Variants in HNRNPA2B1 observed in about 807,000 individuals in gnomAD.
HNRNPA2B1 encodes heterogeneous nuclear ribonucleoproteins A2/B1.
In HNRNPA2B1, 3 loss-of-function variants were observed where a neutral mutation model predicts 46.3. That is an observed-to-expected ratio of 0.06 (90% CI 0.03 to 0.17). HNRNPA2B1 has a LOEUF of 0.17. Among genes scored for constraint, HNRNPA2B1 ranks in the 10% least tolerant of loss-of-function variants. HNRNPA2B1 has a pLI of 1.00. For synonymous variants in HNRNPA2B1, 225 were observed against 133.8 expected (o/e 1.68, Z -4.70); for missense variants, 221 against 418.9 (o/e 0.53, Z 4.12).
At chr7:26,192,371 A>T (rs1032239020) in intron 10 of HNRNPA2B1, 33 bp from the exon 11 acceptor site, 5 of 700,300 alleles carry the variant, frequency 7.1e-6, no homozygotes, top group East Asian at 2.5e-5. Flanking sequence ...TAAAAAAAAA[A>T]TAGGTTATGA....
Position 26,193,585 on chromosome 7 carries a change from G to C in HNRNPA2B1, c.831C>G (p.Asn277Lys). Reference sequence around the variant, plus strand: ...AGGTGAATTTATTACCTCCTCCATAGTTGTCATAACCACCTCCGTAGCCCC... The same window carrying C: ...AGGTGAATTTATTACCTCCTCCATACTTGTCATAACCACCTCCGTAGCCCC... ...QGGGYGGGYD[N>K]YGGGNYGSGN... is the part of the protein sequence containing the mutation. Residue 277 changes from asparagine to lysine, a missense_variant, in exon 8 of 11, where the codon AAC (asparagine) becomes AAG (lysine). By Grantham distance (94) the Asn-to-Lys change is moderately conservative. Transcript: ENST00000618183. 1 of 1,590,224 alleles carries C rather than the reference G, an allele frequency of 6.3e-7. No individual in the cohort carries two copies.
intron 7 of HNRNPA2B1, among the ~76,000 whole-genome samples, chr7:26,195,462 T>C (rs1783457285): frequency 6.6e-6 from 1 of 152,166 alleles, no homozygotes; most frequent in African/African-American, 2.4e-5. Flanking sequence ...CCTGGGATGC[T>C]TCCCATCTAG....
intron 3 of HNRNPA2B1, 95 bp downstream of exon 3, chr7:26,197,220 A>G: frequency 7.0e-7 from 1 of 1,424,054 alleles, no homozygotes; most frequent in East Asian, 2.3e-5. Flanking sequence ...TAAGAGAAAA[A>G]ATCTTGAGTT....
At chr7:26,198,714 G>C (rs1025629151) in intron 1 of HNRNPA2B1, 4 of 152,230 alleles carry the variant, frequency 2.6e-5, no homozygotes, top group Non-Finnish European at 5.9e-5. Context: ...TGTCTTAAAA[G>C]TTAACTAGGT....
At chr7:26,200,517 C>G in intron 1 of HNRNPA2B1, 55 bp downstream of exon 1, 2 of 1,592,040 alleles carry the variant, frequency 1.3e-6, no homozygotes, top group East Asian at 2.2e-5. Flanking sequence ...TCCACTGAGG[C>G]GCCAACGGCC....
Position 26,195,830 on chromosome 7 carries a change from C to T in HNRNPA2B1, c.721+17G>A, listed in dbSNP as rs779469830. On this transcript the variant is annotated intron_variant, in intron 7 of 10. Coordinates refer to ENST00000618183, the MANE Select transcript of HNRNPA2B1 (RefSeq NM_002137.4). ...TATTAGTCACATAAACAAACCAAAACGTAGAGGAAAACTGACCTCCAGGTC... is the reference window on the plus strand; with the variant it reads ...TATTAGTCACATAAACAAACCAAAATGTAGAGGAAAACTGACCTCCAGGTC... The T allele has an allele frequency of 5.6e-6, 9 of 1,606,560 alleles. No homozygotes were observed. Among genetic ancestry groups the T allele is most frequent in the African/African-American group, 1.3e-5 (1 of 74,318 alleles).
At chr7:26,192,634 C>CCT (rs1783028535) in intron 9 of HNRNPA2B1, 57 bp from the exon 10 acceptor site, 1 of 1,347,372 alleles carries the variant, frequency 7.4e-7, no homozygotes, top group African/African-American at 1.4e-5. Flanking sequence ...CCATGATCAG[C>CCT]CTAACACTAC....
chr7:26,195,978 A>G, intron 6 of HNRNPA2B1, 69 bp from the exon 7 acceptor site: 1 of 1,528,612 alleles, frequency 6.5e-7, no homozygotes, highest in South Asian at 1.3e-5. Context: ...ATTCATTTTC[A>G]GTTCTCTTAC....
At chr7:26,195,614 G>C in intron 7 of HNRNPA2B1, 2 of 511,184 alleles carry the variant, frequency 3.9e-6, no homozygotes, top group Non-Finnish European at 6.9e-6. Context: ...CTTGAGAAAA[G>C]ATGAGATACT....
In HNRNPA2B1 at chr7:26,191,490, A is replaced by G. The variant is rs1036547053; in HGVS notation, c.*870T>C. On this transcript the variant is annotated 3_prime_UTR_variant, in exon 11 of 11. Coordinates refer to ENST00000618183, the MANE Select transcript of HNRNPA2B1 (RefSeq NM_002137.4). ...CCTCAGCTTTCGTTGGCATCCTTAT[A>G]AACTACTGTAGTTAAAGTTTTGTAG... 1 of 152,186 alleles carries G rather than the reference A, an allele frequency of 6.6e-6. No individual in the cohort carries two copies. The highest frequency in any genetic ancestry group is 1.9e-4 in the East Asian group (1 of 5,196). The allele number at this position is 152,186 out of a possible 1,614,324, so 9.4% of individuals were successfully genotyped here.
intron 1 of HNRNPA2B1, 199 bp downstream of exon 1, chr7:26,200,373 C>G (rs118013246): frequency 4.6e-6 from 3 of 647,958 alleles, no homozygotes; most frequent in Non-Finnish European, 2.8e-6. Flanking sequence ...GAAATGGCGC[C>G]GGGAGGCTGA....
chr7:26,192,938 T>C (rs1042270323), intron 9 of HNRNPA2B1, among the ~76,000 whole-genome samples: 2 of 152,164 alleles, frequency 1.3e-5, no homozygotes, highest in African/African-American at 4.8e-5. Flanking sequence ...AGGATTTAAC[T>C]TCAAAGACCC....
At position 26,197,476 on chromosome 7, in the gene HNRNPA2B1, G is replaced by A. The variant is rs771126382; in HGVS notation, c.118-15C>T. ...TCCCTCATTACCTTTCAAACCAAAGGGTAAACTTTAGCATTTAATCTCATT... is the reference window on the plus strand; with the variant it reads ...TCCCTCATTACCTTTCAAACCAAAGAGTAAACTTTAGCATTTAATCTCATT... On this transcript the variant is annotated splice_polypyrimidine_tract_variant and intron_variant, in intron 2 of 10. Coordinates refer to ENST00000618183, the MANE Select transcript of HNRNPA2B1 (RefSeq NM_002137.4). The A allele has an allele frequency of 2.5e-6, 4 of 1,611,582 alleles. No individual in the cohort carries two copies. Among genetic ancestry groups the A allele is most frequent in the East Asian group, 2.2e-5 (1 of 44,838 alleles).
intron 7 of HNRNPA2B1, among the ~76,000 whole-genome samples, chr7:26,194,171 C>T (rs1462937469): frequency 2.0e-5 from 3 of 152,072 alleles, no homozygotes; most frequent in Admixed American, 6.5e-5. Flanking sequence ...CCGAGGCGGA[C>T]GGATCACGAG....
At chr7:26,198,073 A>G in intron 1 of HNRNPA2B1, 1 of 398,484 alleles carries the variant, frequency 2.5e-6, no homozygotes, top group South Asian at 8.2e-5. Flanking sequence ...GTAGACCGTG[A>G]TTATCAAAGG....
chr7:26,194,922 C>G (rs905525015), intron 7 of HNRNPA2B1, among the ~76,000 whole-genome samples: 1 of 151,464 alleles, frequency 6.6e-6, no homozygotes, highest in Non-Finnish European at 1.5e-5. Flanking sequence ...GGGGAAACCC[C>G]GTCTCTACTA....
rs1224141434 is a variant in HNRNPA2B1, at chr7:26,191,652, TA to T, written c.*707del. 1 of 152,220 alleles carries T rather than the reference TA, an allele frequency of 6.6e-6. No individual in the cohort carries two copies. The highest frequency in any genetic ancestry group is 1.5e-5 in the Non-Finnish European group (1 of 68,036). The allele number at this position is 152,220 out of a possible 1,614,324, so 9.4% of individuals were successfully genotyped here. ...TTGAAGAAGCAGCATCTAAAAGATC[TA>T]AAAAGGTGTTTCTCCTTGCAGAGAT... is the stretch of plus-strand genomic sequence containing the variant. On this transcript the variant is annotated 3_prime_UTR_variant, in exon 11 of 11. Coordinates refer to ENST00000618183, the MANE Select transcript of HNRNPA2B1 (RefSeq NM_002137.4).
intron 1 of HNRNPA2B1, 128 bp downstream of exon 1, chr7:26,200,444 G>GC: frequency 2.2e-6 from 2 of 908,032 alleles, no homozygotes; most frequent in South Asian, 1.3e-5. Context: ...TAAACCTTAA[G>GC]CCCCACTGCT....
At chr7:26,200,100 T>C (rs150452989) in intron 1 of HNRNPA2B1, 16 of 191,950 alleles carry the variant, frequency 8.3e-5, no homozygotes, top group African/African-American at 2.1e-4. Flanking sequence ...AAAAGAGTTA[T>C]AAGGAAAACG....
Sources: allele counts gnomAD v4.1 joint callset (sites outside exome capture counted in the v4.1 genomes callset), GRCh38; gene constraint gnomAD v4.1.1; transcripts MANE v1.5; gene names NCBI Gene and HGNC (gene_info 2026-07-23, HGNC 2026-07-21).